The following AOAH variants were observed in gnomAD, a reference collection of about 807,000 sequenced individuals.
AOAH encodes acyloxyacyl hydrolase.
In AOAH, 64 loss-of-function variants were observed where a neutral mutation model predicts 92.2. The observed-to-expected ratio is 0.69, with a 90% CI of 0.57 to 0.86. The LOEUF (loss-of-function observed/expected upper bound fraction) is 0.86, where lower values mean the gene tolerates loss of function less well. AOAH is among the 40% of genes least tolerant of loss of function. AOAH has a pLI of 0.00. For synonymous variants in AOAH, 263 were observed against 254.5 expected (o/e 1.03, Z -0.32); for missense variants, 656 against 694.6 (o/e 0.94, Z 0.62).
chr7:36,690,498 G>A (rs182039794), intron 1 of AOAH, among the ~76,000 whole-genome samples: 70 of 152,308 alleles, frequency 4.6e-4, no homozygotes, highest in African/African-American at 1.6e-3. Context: ...TGGAGAAACT[G>A]ACTTTTCTAC....
intron 16 of AOAH, among the ~76,000 whole-genome samples, chr7:36,537,129 T>C (rs990108752): frequency 6.6e-5 from 10 of 152,072 alleles, no homozygotes; most frequent in African/African-American, 2.2e-4. Flanking sequence ...GAGAAATGTA[T>C]AATTTATTTC....
chr7:36,532,950 G>A (rs1451155683), intron 16 of AOAH, among the ~76,000 whole-genome samples: 1 of 152,168 alleles, frequency 6.6e-6, no homozygotes, highest in Non-Finnish European at 1.5e-5. Context: ...AGTACCTCAT[G>A]TCTCTGTGGC....
intron 13 of AOAH, among the ~76,000 whole-genome samples, chr7:36,560,401 T>G (rs558778885): frequency 2.6e-5 from 4 of 152,350 alleles, no homozygotes; most frequent in African/African-American, 9.6e-5. Flanking sequence ...GTGTCATCCA[T>G]GATTTCTTCC....
chr7:36,537,518 T>TTG (rs1554281673), intron 16 of AOAH, among the ~76,000 whole-genome samples: 22 of 131,312 alleles, frequency 1.7e-4, no homozygotes, highest in Middle Eastern at 4.5e-3. Context: ...TTTTTTTTTT[T>TTG]TTTTGTTTGT....
chr7:36,668,599 G>T (rs1242786734), intron 3 of AOAH, among the ~76,000 whole-genome samples: 1 of 152,210 alleles, frequency 6.6e-6, no homozygotes, highest in Non-Finnish European at 1.5e-5. Context: ...TGATTCTAAT[G>T]CCTCAGGTTC....
At chr7:36,527,712 A>G (rs1294040862) in intron 19 of AOAH, among the ~76,000 whole-genome samples, 2 of 152,204 alleles carry the variant, frequency 1.3e-5, no homozygotes, top group Non-Finnish European at 2.9e-5. Flanking sequence ...CTGGGTGGTT[A>G]TTTAATTCAC....
At chr7:36,713,083 A>G (rs1191472162) in intron 1 of AOAH, among the ~76,000 whole-genome samples, 1 of 152,222 alleles carries the variant, frequency 6.6e-6, no homozygotes, top group Non-Finnish European at 1.5e-5. Flanking sequence ...TATTCAGGAA[A>G]CCCATCTCAC....
At chr7:36,670,572 T>G (rs2116627937) in intron 3 of AOAH, among the ~76,000 whole-genome samples, 1 of 152,282 alleles carries the variant, frequency 6.6e-6, no homozygotes, top group Non-Finnish European at 1.5e-5. Context: ...TCTCCAGGGC[T>G]CAAGCGATTC....
chr7:36,633,160 C>T (rs538953290), intron 5 of AOAH, among the ~76,000 whole-genome samples: 3 of 152,352 alleles, frequency 2.0e-5, no homozygotes, highest in East Asian at 1.9e-4. Context: ...GGAAGAGAGA[C>T]GGCCTGAGGC....
chr7:36,675,678 C>T (rs1373136111), intron 2 of AOAH, among the ~76,000 whole-genome samples: 1 of 152,134 alleles, frequency 6.6e-6, no homozygotes, highest in African/African-American at 2.4e-5. Context: ...GATACTAAAA[C>T]CAGAAACCTT....
Position 36,618,287 on chromosome 7 carries a change from C to G in AOAH, c.751+10G>C. Reference sequence around the variant, plus strand: ...ATCATTATAACCACAATGACATCCACAATTCATACCTTCACAGAATTTCTT... The same window carrying G: ...ATCATTATAACCACAATGACATCCAGAATTCATACCTTCACAGAATTTCTT... On this transcript the variant is annotated intron_variant, in intron 10 of 20. Transcript: ENST00000617537. 6.2e-7 allele frequency: 1 copy of G among 1,612,112 alleles called. No individual in the cohort carries two copies. The highest frequency in any genetic ancestry group is 8.5e-7 in the Non-Finnish European group (1 of 1,178,330).
At chr7:36,680,098 G>A (rs1796548966) in intron 2 of AOAH, among the ~76,000 whole-genome samples, 1 of 152,144 alleles carries the variant, frequency 6.6e-6, no homozygotes, top group African/African-American at 2.4e-5. Context: ...TTTCTGCATA[G>A]GTGACCCAGG....
intron 3 of AOAH, among the ~76,000 whole-genome samples, chr7:36,672,932 A>T (rs906674184): frequency 1.3e-5 from 2 of 152,184 alleles, no homozygotes; most frequent in Non-Finnish European, 2.9e-5. Context: ...TATATTTTAT[A>T]CATAATAAAA....
At chr7:36,657,291 T>A (rs553054891) in intron 4 of AOAH, among the ~76,000 whole-genome samples, 3 of 152,284 alleles carry the variant, frequency 2.0e-5, no homozygotes, top group Admixed American at 6.5e-5. Context: ...AGTTCTGTTC[T>A]TTCCTCGGGA....
At chr7:36,576,311 C>T (rs1194561896) in intron 13 of AOAH, among the ~76,000 whole-genome samples, 3 of 152,182 alleles carry the variant, frequency 2.0e-5, no homozygotes, top group African/African-American at 7.2e-5. Flanking sequence ...TGTGCCTTGG[C>T]CTTGCTAGAA....
At chr7:36,679,310 T>TA (rs879430418) in intron 2 of AOAH, among the ~76,000 whole-genome samples, 1 of 148,922 alleles carries the variant, frequency 6.7e-6, no homozygotes. Context: ...AAAATAAAAA[T>TA]AAAAAAAAGT....
intron 12 of AOAH, among the ~76,000 whole-genome samples, chr7:36,584,829 T>C (rs767479101): frequency 2.2e-4 from 33 of 152,168 alleles, no homozygotes; most frequent in African/African-American, 2.4e-4. Flanking sequence ...TCTGACAAAA[T>C]GCACATGAAG....
At chr7:36,686,855 G>A in intron 1 of AOAH, 61 bp from the exon 2 acceptor site, 2 of 1,165,924 alleles carry the variant, frequency 1.7e-6, no homozygotes, top group South Asian at 1.7e-5. Flanking sequence ...TGGAGGGACA[G>A]GAGAAAGAAA....
chr7:36,674,684 T>C (rs1230844540), intron 2 of AOAH, among the ~76,000 whole-genome samples: 1 of 152,214 alleles, frequency 6.6e-6, no homozygotes, highest in Non-Finnish European at 1.5e-5. Context: ...TGTGGAGCCC[T>C]GGTAATTCAA....
Sources: gnomAD v4.1 joint callset for allele counts (sites outside exome capture counted in the v4.1 genomes callset) on GRCh38, gnomAD v4.1.1 for gene constraint, MANE v1.5 for transcripts, NCBI Gene and HGNC (gene_info 2026-07-23, HGNC 2026-07-21) for gene names.